Variants in GPM6A observed in about 807,000 individuals in gnomAD.
GPM6A encodes the protein glycoprotein M6A.
In GPM6A, 7 loss-of-function variants were observed where a neutral mutation model predicts 32.1. The ratio of observed to expected loss-of-function variants is 0.22; its 90% CI spans 0.12 to 0.41. The LOEUF is 0.41. GPM6A is among the 10% of genes least tolerant of loss of function. The probability of loss-of-function intolerance (pLI) is 1.00; values close to 1 mark genes in which losing one functional copy is unlikely to be tolerated. For missense variants in GPM6A, 235 were observed against 347.2 expected (o/e 0.68, Z 2.57); for synonymous variants, 130 against 123.4 (o/e 1.05, Z -0.35).
At chr4:175,862,179 T>A (rs1389999272) in intron 1 of GPM6A, among the ~76,000 whole-genome samples, 1 of 152,186 alleles carries the variant, frequency 6.6e-6, no homozygotes, top group Non-Finnish European at 1.5e-5. Context: ...CTCTCATACA[T>A]AGAGAAAAGT....
rs73010142 is a variant in GPM6A, at chr4:175,868,436, G to A, written c.-22-56187C>T. 3.6e-3 allele frequency among the ~76,000 whole-genome samples: 555 copies of A among 152,224 alleles called. 3 individuals carry two copies. Among genetic ancestry groups the A allele is most frequent in the African/African-American group, 0.013 (524 of 41,550 alleles). ...TGGAAAATTCTTCCTTCACTAATTC[G>A]TTATTCTCAATTTATGCACTTAATG... On this transcript the variant is annotated intron_variant, in intron 1 of 7. Transcript: ENST00000280187.
At chr4:175,882,540 T>C (rs1379577472) in intron 1 of GPM6A, among the ~76,000 whole-genome samples, 1 of 152,040 alleles carries the variant, frequency 6.6e-6, no homozygotes, top group Non-Finnish European at 1.5e-5. Context: ...TGGACTACCA[T>C]TTTTAAGAAA....
chr4:175,978,606 CAAT>C (rs1417613236), intron 1 of GPM6A, among the ~76,000 whole-genome samples: 4 of 152,094 alleles, frequency 2.6e-5, no homozygotes, highest in Admixed American at 2.6e-4. Flanking sequence ...TTATTTTTTA[CAAT>C]GAGTCAATGC....
chr4:175,711,409 AATATAT>A lies in GPM6A; in HGVS notation c.38-9648_38-9643del, dbSNP rs36105210. On this transcript the variant is annotated intron_variant, in intron 1 of 6. Transcript: ENST00000393658. ...TTAAAAAGGGCACACTGGCACACCA[AATATAT>A]ATATATATATATATATATATATATA... Among the ~76,000 whole-genome samples, 244 of 53,242 alleles carry A rather than the reference AATATAT, an allele frequency of 4.6e-3. 4 individuals carry two copies. The highest frequency in any genetic ancestry group is 9.1e-3 in the Admixed American group (33 of 3,620). 34.9% of individuals were successfully genotyped at this position (53,242 alleles called of 152,430 possible).
At chr4:175,955,298 C>T (rs572008955) in intron 1 of GPM6A, among the ~76,000 whole-genome samples, 24 of 152,260 alleles carry the variant, frequency 1.6e-4, no homozygotes, top group Admixed American at 8.5e-4. Context: ...TTTCAATATG[C>T]GGTGTCCTTT....
In GPM6A at chr4:175,826,184, CT is replaced by C. The variant is rs971154026; in HGVS notation, c.-22-13936del. 3.4e-4 allele frequency among the ~76,000 whole-genome samples: 51 copies of C among 151,738 alleles called. 1 individual carries two copies. Among genetic ancestry groups the C allele is most frequent in the African/African-American group, 1.1e-3 (46 of 41,298 alleles). On this transcript the variant is annotated intron_variant, in intron 1 of 7. Coordinates refer to the GPM6A transcript ENST00000280187. ...CAAAACAAACAAACAAACAAAAAAACTGTCTCTTATCATTCAGTCTCAAAAA... is the reference window on the plus strand; with the variant it reads ...CAAAACAAACAAACAAACAAAAAAACGTCTCTTATCATTCAGTCTCAAAAA...
intron 1 of GPM6A, among the ~76,000 whole-genome samples, chr4:175,914,632 C>T (rs1240354112): frequency 6.6e-6 from 1 of 152,078 alleles, no homozygotes; most frequent in African/African-American, 2.4e-5. Context: ...TGCAAATCTG[C>T]ATTTTACATA....
At chr4:175,756,825 A>G (rs1233831238) in intron 1 of GPM6A, among the ~76,000 whole-genome samples, 2 of 152,186 alleles carry the variant, frequency 1.3e-5, no homozygotes, top group East Asian at 3.9e-4. Context: ...AAGTAAAATC[A>G]ATTGCCCCTT....
chr4:175,639,489 A>G (rs1479338481), intron 6 of GPM6A, among the ~76,000 whole-genome samples: 2 of 152,168 alleles, frequency 1.3e-5, no homozygotes, highest in African/African-American at 2.4e-5. Context: ...TATTGGCTGC[A>G]AAAGCTATTA....
intron 1 of GPM6A, among the ~76,000 whole-genome samples, chr4:175,983,875 G>A (rs769978170): frequency 6.6e-5 from 10 of 152,042 alleles, no homozygotes; most frequent in African/African-American, 1.4e-4. Context: ...CTTAAATGGC[G>A]GGTCAGACTC....
intron 6 of GPM6A, among the ~76,000 whole-genome samples, chr4:175,636,268 A>G (rs1012031779): frequency 0.015 from 701 of 47,932 alleles, 11 homozygotes; most frequent in South Asian, 0.053. Context: ...CTGTATATAT[A>G]TATATATATA....
chr4:175,703,395 C>A (rs770748159), intron 1 of GPM6A, among the ~76,000 whole-genome samples: 1 of 152,080 alleles, frequency 6.6e-6, no homozygotes, highest in Non-Finnish European at 1.5e-5. Context: ...TGATCTCAAA[C>A]CTTGACCTCA....
At chr4:175,884,968 CT>C (rs1356891971) in intron 1 of GPM6A, among the ~76,000 whole-genome samples, 4 of 152,160 alleles carry the variant, frequency 2.6e-5, no homozygotes, top group Non-Finnish European at 4.4e-5. Context: ...ATAGCCAATA[CT>C]AAGTGCTGGT....
At chr4:175,866,745 T>C (rs1736752052) in intron 1 of GPM6A, among the ~76,000 whole-genome samples, 1 of 152,230 alleles carries the variant, frequency 6.6e-6, no homozygotes, top group African/African-American at 2.4e-5. Context: ...CATGATTTTG[T>C]GTAGACATGT....
At chr4:175,744,552 T>C (rs1244209771) in intron 1 of GPM6A, among the ~76,000 whole-genome samples, 1 of 152,136 alleles carries the variant, frequency 6.6e-6, no homozygotes, top group Non-Finnish European at 1.5e-5. Flanking sequence ...AAACAATTAA[T>C]ATTGGATTAG....
At chr4:175,931,134 A>G (rs1739025149) in intron 1 of GPM6A, among the ~76,000 whole-genome samples, 1 of 152,162 alleles carries the variant, frequency 6.6e-6, no homozygotes, top group African/African-American at 2.4e-5. Flanking sequence ...TGAGATTGAG[A>G]TAGGCACAGT....
intron 1 of GPM6A, among the ~76,000 whole-genome samples, chr4:175,833,539 A>T (rs1735678206): frequency 6.6e-6 from 1 of 152,230 alleles, no homozygotes; most frequent in Non-Finnish European, 1.5e-5. Context: ...GAATAAGGCA[A>T]GGTATAAACA....
chr4:175,908,828 G>T (rs1738212161), intron 1 of GPM6A, among the ~76,000 whole-genome samples: 1 of 152,030 alleles, frequency 6.6e-6, no homozygotes, highest in African/African-American at 2.4e-5. Context: ...TATAAGAAAA[G>T]ATTGTTTTTC....
intron 1 of GPM6A, among the ~76,000 whole-genome samples, chr4:175,802,395 C>T (rs999252015): frequency 4.6e-5 from 7 of 151,972 alleles, no homozygotes; most frequent in African/African-American, 1.2e-4. Context: ...AATACTCTTC[C>T]GATACCATTG....
Sources: gnomAD v4.1 joint callset for allele counts (sites outside exome capture counted in the v4.1 genomes callset) on GRCh38, gnomAD v4.1.1 for gene constraint, MANE v1.5 for transcripts, NCBI Gene and HGNC (gene_info 2026-07-23, HGNC 2026-07-21) for gene names.